PATJ: variants seen among roughly 807,000 people sequenced by gnomAD.
The protein encoded by PATJ is PATJ crumbs cell polarity complex component, also known as inaD-like protein.
Under a neutral mutation model 224.9 loss-of-function variants are expected in PATJ, and 190 were observed. That is an observed-to-expected ratio of 0.84 (90% CI 0.75 to 0.95). PATJ has a LOEUF of 0.95. Ranked by LOEUF, PATJ falls within the 40% of genes least tolerant of loss-of-function variation. PATJ has a pLI of 0.00. For synonymous variants in PATJ, 769 were observed against 820.3 expected, an observed-to-expected ratio of 0.94 and a Z score of 1.07; for missense variants, 2,121 against 2,270.3, an observed-to-expected ratio of 0.93 and a Z score of 1.34.
At chr1:62,010,174 T>A (rs1646357402) in intron 28 of PATJ, among the ~76,000 whole-genome samples, 2 of 152,166 alleles carry the variant, frequency 1.3e-5, no homozygotes, top group East Asian at 3.9e-4. Flanking sequence ...ATCGTGAGAT[T>A]GTAGCAATCC....
intron 27 of PATJ, among the ~76,000 whole-genome samples, chr1:61,960,816 T>C (rs1365871832): frequency 1.3e-5 from 2 of 152,210 alleles, no homozygotes; most frequent in Non-Finnish European, 2.9e-5. Context: ...TTTTTCTCAG[T>C]GCTCTTGGCT....
At chr1:61,780,110 C>T (rs976462238) in intron 7 of PATJ, among the ~76,000 whole-genome samples, 1 of 152,128 alleles carries the variant, frequency 6.6e-6, no homozygotes, top group Non-Finnish European at 1.5e-5. Context: ...GGACAAACAT[C>T]CAAACTGTAG....
intron 7 of PATJ, among the ~76,000 whole-genome samples, chr1:61,777,830 C>T (rs760815107): frequency 1.3e-5 from 2 of 150,488 alleles, no homozygotes; most frequent in Non-Finnish European, 3.0e-5. Flanking sequence ...ACCTCAGTCT[C>T]CCGAGTAGTT....
intron 33 of PATJ, among the ~76,000 whole-genome samples, chr1:62,098,366 A>AAAAAAAG (rs1437783438): frequency 6.6e-6 from 1 of 151,430 alleles, no homozygotes; most frequent in African/African-American, 2.4e-5. Flanking sequence ...CTCAAAAAAA[A>AAAAAAAG]AAAGAAAAAA....
intron 27 of PATJ, among the ~76,000 whole-genome samples, chr1:61,935,002 T>C (rs1676631414): frequency 6.6e-6 from 1 of 152,214 alleles, no homozygotes; most frequent in South Asian, 2.1e-4. Flanking sequence ...GAGAGAAGCG[T>C]CTATCCCCAG....
intron 27 of PATJ, among the ~76,000 whole-genome samples, chr1:61,963,032 A>G (rs1376175095): frequency 6.6e-6 from 1 of 152,242 alleles, no homozygotes; most frequent in African/African-American, 2.4e-5. Context: ...GAGGCTGAGA[A>G]ATGTTCTTTT....
In PATJ at chr1:62,038,053, A is replaced by C. The variant is rs764931405; in HGVS notation, c.4032+4A>C. ...AAGTTCTCCATCTTCTATTGAGGTA[A>C]GGTTGTTTCTAATTAGCTCTTAGTA... is the stretch of plus-strand genomic sequence containing the variant. On this transcript the variant is annotated splice_donor_region_variant and intron_variant, in intron 30 of 43. Coordinates refer to ENST00000642238, the MANE Select transcript of PATJ (RefSeq NM_001350145.3). The C allele has an allele frequency of 6.3e-7, 1 of 1,577,084 alleles. No homozygotes were observed. The highest frequency in any genetic ancestry group is 1.4e-5 in the African/African-American group (1 of 73,940).
intron 39 of PATJ, among the ~76,000 whole-genome samples, chr1:62,124,529 A>ATTTAAT (rs1292207515): frequency 3.3e-5 from 5 of 152,224 alleles, no homozygotes; most frequent in African/African-American, 1.2e-4. Context: ...CTCTGTTTGA[A>ATTTAAT]GGCATTCTAC....
intron 7 of PATJ, among the ~76,000 whole-genome samples, chr1:61,787,239 A>G (rs150522429): frequency 3.9e-5 from 6 of 152,294 alleles, no homozygotes; most frequent in Admixed American, 2.6e-4. Flanking sequence ...TCTCTTCCCA[A>G]TCATGAAAAG....
At chr1:61,978,242 TCCC>T (rs1644256884) in intron 27 of PATJ, among the ~76,000 whole-genome samples, 2 of 109,078 alleles carry the variant, frequency 1.8e-5, no homozygotes, top group African/African-American at 6.2e-5. Flanking sequence ...CCTCCCTCCC[TCCC>T]TCCTTCCTTC....
intron 27 of PATJ, among the ~76,000 whole-genome samples, chr1:61,938,724 A>G (rs574286281): frequency 2.6e-5 from 4 of 152,132 alleles, no homozygotes; most frequent in Non-Finnish European, 5.9e-5. Flanking sequence ...AACTGCAGGA[A>G]TAAAATCAGT....
intron 21 of PATJ, among the ~76,000 whole-genome samples, chr1:61,877,482 G>A (rs1466373160): frequency 6.6e-6 from 1 of 151,898 alleles, no homozygotes. Context: ...TTGGGGAAGG[G>A]ACTTGGTAGG....
intron 24 of PATJ, among the ~76,000 whole-genome samples, chr1:61,902,403 A>T (rs759471902): frequency 6.6e-6 from 1 of 151,978 alleles, no homozygotes; most frequent in African/African-American, 2.4e-5. Flanking sequence ...TTCAGCTGTG[A>T]TAGAATACAA....
chr1:62,065,523 G>A (rs991895163), intron 31 of PATJ, among the ~76,000 whole-genome samples: 8 of 152,026 alleles, frequency 5.3e-5, no homozygotes, highest in African/African-American at 1.4e-4. Flanking sequence ...GAGGCAAATC[G>A]CTTGATCTCA....
intron 13 of PATJ, among the ~76,000 whole-genome samples, chr1:61,807,288 C>G (rs1182532856): frequency 1.3e-5 from 2 of 152,148 alleles, no homozygotes; most frequent in Non-Finnish European, 1.5e-5. Context: ...AGTGATCTCC[C>G]ACCTCAGCCT....
chr1:61,864,070 T>TGTGGA (rs1198022787), intron 19 of PATJ, among the ~76,000 whole-genome samples, 168 bp from the exon 20 acceptor site: 1 of 152,230 alleles, frequency 6.6e-6, no homozygotes, highest in East Asian at 1.9e-4. Flanking sequence ...TTAAGGATTG[T>TGTGGA]GTGGAGGTGA....
intron 1 of PATJ, among the ~76,000 whole-genome samples, chr1:61,745,057 T>C (rs766490808): frequency 3.0e-4 from 46 of 152,076 alleles, no homozygotes; most frequent in Non-Finnish European, 5.6e-4. Flanking sequence ...ATTGAGAAGC[T>C]CTCCCTACCC....
At chr1:62,036,649 C>G (rs1039388344) in intron 29 of PATJ, among the ~76,000 whole-genome samples, 5 of 151,590 alleles carry the variant, frequency 3.3e-5, no homozygotes, top group Non-Finnish European at 7.4e-5. Flanking sequence ...AATAATTCAC[C>G]TAGTTAGAGG....
chr1:61,961,139 G>A (rs1681213979), intron 27 of PATJ, among the ~76,000 whole-genome samples: 1 of 152,188 alleles, frequency 6.6e-6, no homozygotes, highest in East Asian at 1.9e-4. Context: ...CTGGAACGAT[G>A]CCAACAGGGA....
Sources: allele counts gnomAD v4.1 joint callset (sites outside exome capture counted in the v4.1 genomes callset), GRCh38; gene constraint gnomAD v4.1.1; transcripts MANE v1.5; gene names NCBI Gene and HGNC (gene_info 2026-07-23, HGNC 2026-07-21).